Variants in UGT2A1 observed in about 807,000 individuals in gnomAD.
UGT2A1 encodes UDP glucuronosyltransferase family 2 member A1 complex locus, also known as UDP-glucuronosyltransferase 2A1.
UGT2A1 carries 61 observed loss-of-function variants against 45.4 expected under a neutral mutation model. The ratio of observed to expected loss-of-function variants is 1.34; its 90% CI spans 1.09 to 1.66. The LOEUF (loss-of-function observed/expected upper bound fraction) is 1.66, where lower values mean the gene tolerates loss of function less well. Among genes scored for constraint, UGT2A1 ranks in the 40% most tolerant of loss-of-function variants. The pLI is 0.00. For missense variants in UGT2A1, 649 were observed against 574.3 expected (o/e 1.13, Z -1.33); for synonymous variants, 229 against 196.2 (o/e 1.17, Z -1.40).
chr4:69,650,037 C>G (rs1466741742), intron 1 of UGT2A1, among the ~76,000 whole-genome samples: 1 of 152,050 alleles, frequency 6.6e-6, no homozygotes, highest in Admixed American at 6.6e-5. Flanking sequence ...TTTATAAAAG[C>G]CTTTGTATTC....
chr4:69,593,696 A>G (rs1718717228), intron 6 of UGT2A1, among the ~76,000 whole-genome samples: 1 of 151,774 alleles, frequency 6.6e-6, no homozygotes, highest in South Asian at 2.1e-4. Context: ...CAATATTTAA[A>G]AAATTATCCA....
At chr4:69,631,242 C>T (rs1318788971) in intron 3 of UGT2A1, among the ~76,000 whole-genome samples, 1 of 151,934 alleles carries the variant, frequency 6.6e-6, no homozygotes, top group Non-Finnish European at 1.5e-5. Flanking sequence ...GTTAAGTGGG[C>T]TTTGGAGGTA....
chr4:69,620,828 A>T (rs962502285), intron 3 of UGT2A1, among the ~76,000 whole-genome samples: 1 of 151,886 alleles, frequency 6.6e-6, no homozygotes, highest in African/African-American at 2.4e-5. Flanking sequence ...AGAGCTCATA[A>T]ATAAGGCTAC....
intron 4 of UGT2A1, chr4:69,596,261 T>A (rs1479179467): frequency 6.3e-6 from 10 of 1,580,334 alleles, no homozygotes; most frequent in Non-Finnish European, 8.6e-6. Flanking sequence ...TTCTGTGGAA[T>A]CTGGGCAAGG....
chr4:69,640,010 G>A (rs992191152), intron 2 of UGT2A1, among the ~76,000 whole-genome samples: 36 of 151,850 alleles, frequency 2.4e-4, no homozygotes, highest in African/African-American at 8.5e-4. Context: ...TGGATTATAG[G>A]GTAAAATACT....
At position 69,589,614 on chromosome 4, in the gene UGT2A1, G is replaced by C; in HGVS notation, c.1342C>G (p.His448Asp). ...TCCAGGGGCTTTACAGGTTGATCAT[G>C]GTGAATTCTTGATAACCTCATAGCA... is the stretch of plus-strand genomic sequence containing the variant. ...ENAMRLSRIH[H>D]DQPVKPLDRA... Residue 448 changes from histidine to aspartate, a missense_variant, in exon 7 of 7, where the codon CAT becomes GAT. His to Asp is a moderately conservative substitution (Grantham distance 81). Transcript: ENST00000286604. 6.2e-7 allele frequency: 1 copy of C among 1,613,760 alleles called. No homozygotes were observed. Among genetic ancestry groups the C allele is most frequent in the African/African-American group, 1.3e-5 (1 of 74,946 alleles).
chr4:69,630,621 C>T (rs1721329261), intron 3 of UGT2A1, among the ~76,000 whole-genome samples: 1 of 151,988 alleles, frequency 6.6e-6, no homozygotes, highest in South Asian at 2.1e-4. Context: ...TAAGAAAACC[C>T]CAGAGGAATG....
chr4:69,646,675 A>G (rs1295499397), intron 2 of UGT2A1, among the ~76,000 whole-genome samples: 4 of 151,868 alleles, frequency 2.6e-5, no homozygotes, highest in South Asian at 2.1e-4. Flanking sequence ...CAACTTTTAA[A>G]TTGAAGTATT....
intron 3 of UGT2A1, among the ~76,000 whole-genome samples, chr4:69,615,701 G>A (rs889301691): frequency 7.2e-5 from 11 of 151,742 alleles, no homozygotes; most frequent in Non-Finnish European, 1.5e-5. Context: ...TTACCACCCT[G>A]ACCCCGCCGC....
At position 69,650,128 on chromosome 4, in the gene UGT2A1, A is replaced by G. The variant is rs1345750642; in HGVS notation, c.-54-2430T>C. Among the ~76,000 whole-genome samples the G allele has an allele frequency of 3.3e-5, 5 of 152,022 alleles. No homozygotes were observed. In the South Asian group the frequency reaches 6.2e-4, roughly 19 times the overall value. On this transcript the variant is annotated intron_variant, in intron 1 of 6. Transcript: ENST00000286604. Reference sequence around the variant, plus strand: ...TTTCACTTATTAAACTTTCACTCCAACCTCACCTTTGATGTCCACGCTCAT... The same window carrying G: ...TTTCACTTATTAAACTTTCACTCCAGCCTCACCTTTGATGTCCACGCTCAT...
At chr4:69,626,587 G>A (rs58414329) in intron 3 of UGT2A1, among the ~76,000 whole-genome samples, 53,085 of 151,096 alleles carry the variant, frequency 0.35, 9,678 homozygotes, top group African/African-American at 0.43. Flanking sequence ...GTGACACGCA[G>A]TATACTCAGA....
chr4:69,643,909 T>C (rs1315161630), intron 2 of UGT2A1, among the ~76,000 whole-genome samples: 1 of 151,644 alleles, frequency 6.6e-6, no homozygotes, highest in Non-Finnish European at 1.5e-5. Context: ...ATCATTCTCC[T>C]TTATCATTCT....
intron 4 of UGT2A1, among the ~76,000 whole-genome samples, chr4:69,598,359 A>G (rs564342265): frequency 5.4e-4 from 82 of 152,272 alleles, no homozygotes; most frequent in South Asian, 1.2e-3. Flanking sequence ...ATAGTTAAAT[A>G]CATTGTTCCT....
chr4:69,606,509 G>A (rs1373330564), intron 3 of UGT2A1, among the ~76,000 whole-genome samples: 1 of 136,158 alleles, frequency 7.3e-6, no homozygotes, highest in Non-Finnish European at 1.6e-5. Flanking sequence ...TTGAAAACTG[G>A]CACAAGACAG....
chr4:69,627,079 T>A (rs891006049), intron 3 of UGT2A1, among the ~76,000 whole-genome samples: 11 of 151,766 alleles, frequency 7.2e-5, no homozygotes, highest in African/African-American at 2.7e-4. Context: ...GTTACTGGAG[T>A]TTCATGTGTT....
intron 3 of UGT2A1, among the ~76,000 whole-genome samples, chr4:69,604,481 G>A (rs1201484565): frequency 7.3e-6 from 1 of 136,702 alleles, no homozygotes. Context: ...ACATTGTACA[G>A]ACCATCGAGG....
chr4:69,607,560 T>C (rs1396160163), intron 3 of UGT2A1, among the ~76,000 whole-genome samples: 1 of 151,908 alleles, frequency 6.6e-6, no homozygotes, highest in Non-Finnish European at 1.5e-5. Flanking sequence ...AAAGCCAAAA[T>C]TGACAAATGG....
rs768716506 is a variant in UGT2A1 at position 69,639,648 on chromosome 4, T to C, written c.716-3826A>G. On this transcript the variant is annotated intron_variant, in intron 2 of 6. Transcript: ENST00000286604. ...ATCCCTTATGGAAACCATCCTACTG[T>C]AGATCCTTCAAGATGAAAAAAAAAT... 1.2e-5 allele frequency: 19 copies of C among 1,546,806 alleles called. No homozygotes were observed. The African/African-American group carries it at 2.5e-4, about 20-fold the overall frequency.
Position 69,595,941 on chromosome 4 carries a change from T to A in UGT2A1, c.997-692A>T, listed in dbSNP as rs548874863. Among the ~76,000 whole-genome samples, 3 of 152,264 alleles carry A rather than the reference T, an allele frequency of 2.0e-5. No homozygotes were observed. The South Asian group carries it at 6.2e-4, about 32-fold the overall frequency. ...CAAACTTCAAAACTTTTGAAAGTAGTCAGTGGAGAACAAAAAATTTCAAAT... is the reference window on the plus strand; with the variant it reads ...CAAACTTCAAAACTTTTGAAAGTAGACAGTGGAGAACAAAAAATTTCAAAT... On this transcript the variant is annotated intron_variant, in intron 4 of 6. Transcript: ENST00000286604.
Sources: allele counts gnomAD v4.1 joint callset (sites outside exome capture counted in the v4.1 genomes callset), GRCh38; gene constraint gnomAD v4.1.1; transcripts MANE v1.5; gene names NCBI Gene and HGNC (gene_info 2026-07-23, HGNC 2026-07-21).